ATP1A2: variants seen among roughly 807,000 people sequenced by gnomAD.
ATP1A2 encodes ATPase Na+/K+ transporting subunit alpha 2, also known as sodium/potassium-transporting ATPase subunit alpha-2.
A neutral mutation model predicts 113.1 loss-of-function variants in ATP1A2; 56 were observed. That is an observed-to-expected ratio of 0.49 (90% CI 0.40 to 0.62). The LOEUF is 0.62. Among genes scored for constraint, ATP1A2 ranks in the 20% least tolerant of loss-of-function variants. The probability of loss-of-function intolerance (pLI) is 0.00; values close to 1 mark genes in which losing one functional copy is unlikely to be tolerated. For synonymous variants in ATP1A2, 490 were observed against 526.8 expected, an observed-to-expected ratio of 0.93 and a Z score of 0.96; for missense variants, 712 against 1,357.8, an observed-to-expected ratio of 0.52 and a Z score of 7.47.
chr1:160,129,307 G>A lies in ATP1A2; in HGVS notation c.1368G>A (p.Lys456=), dbSNP rs369226331. 17 of 1,614,048 alleles carry A rather than the reference G, an allele frequency of 1.1e-5. No individual in the cohort carries two copies. The African/African-American group carries it at 2.0e-4, about 19-fold the overall frequency. Reference sequence around the variant, plus strand: ...ATGCCTCTGAGTCAGCTCTGCTCAAGTGCATTGAGCTCTCCTGTGGCTCAG... The same window carrying A: ...ATGCCTCTGAGTCAGCTCTGCTCAAATGCATTGAGCTCTCCTGTGGCTCAG... ...AGDASESALL[K]CIELSCGSVR... Residue 456 remains lysine, a synonymous_variant, in exon 11 of 23, where the codon AAG becomes AAA. Transcript: ENST00000361216.
intron 1 of ATP1A2, among the ~76,000 whole-genome samples, chr1:160,119,113 G>C (rs961881080): frequency 6.6e-6 from 1 of 151,810 alleles, no homozygotes; most frequent in African/African-American, 2.4e-5. Context: ...TTGATAGTGG[G>C]TGAGGCTGTG....
At position 160,135,375 on chromosome 1, in the gene ATP1A2, G is replaced by C. The variant is rs1385444169; in HGVS notation, c.2116-59G>C. 12 of 1,614,098 alleles carry C rather than the reference G, an allele frequency of 7.4e-6. No individual in the cohort carries two copies. The highest frequency in any genetic ancestry group is 6.7e-5 in the African/African-American group (5 of 74,930). On this transcript the variant is annotated intron_variant, in intron 15 of 22. Coordinates refer to ENST00000361216, the MANE Select transcript of ATP1A2 (RefSeq NM_000702.4). This position sits in a 1 kb window ranked among gnomAD's most constrained non-coding sequence, Gnocchi z 6.3. ...GGGCCAAGACAAGCATGGAGTGAGA[G>C]GCGAGGAGCCAGGCTTGGGAAGGGG...
At chr1:160,125,793 C>T (rs1208501998) in intron 7 of ATP1A2, among the ~76,000 whole-genome samples, 1 of 152,232 alleles carries the variant, frequency 6.6e-6, no homozygotes, top group African/African-American at 2.4e-5. Context: ...CATGCACAGA[C>T]TACCCAGTTT....
chr1:160,120,815 C>A (rs985042654), intron 1 of ATP1A2, 91 bp from the exon 2 acceptor site: 1 of 1,334,880 alleles, frequency 7.5e-7, no homozygotes, highest in South Asian at 1.3e-5. Flanking sequence ...GAACACACAC[C>A]CCCACTGCCT....
chr1:160,137,228 T>C, intron 20 of ATP1A2, 197 bp downstream of exon 20: 2 of 829,180 alleles, frequency 2.4e-6, no homozygotes, highest in South Asian at 1.7e-5. Flanking sequence ...TTTTGCATTT[T>C]GTTATTGTCT....
At chr1:160,129,991 T>A (rs932610780) in intron 11 of ATP1A2, 111 bp from the exon 12 acceptor site, 8 of 1,369,056 alleles carry the variant, frequency 5.8e-6, no homozygotes, top group Non-Finnish European at 8.3e-6. Flanking sequence ...GTTGACAATC[T>A]TTGATGGGTT....
chr1:160,123,793 G>T, intron 4 of ATP1A2, 150 bp from the exon 5 acceptor site: 1 of 774,668 alleles, frequency 1.3e-6, no homozygotes. Flanking sequence ...AGGTTAGTGA[G>T]AAGGGCTTTC....
Position 160,139,982 on chromosome 1 carries a change from G to A in ATP1A2, c.3032G>A (p.Gly1011Asp). Residue 1011 changes from glycine (G) to aspartate (D), a missense_variant and splice_region_variant, in exon 22 of 23, where the codon GGT becomes GAT. Physicochemically the swap from Gly to Asp is moderately conservative, Grantham distance 94. Coordinates refer to ENST00000361216, the MANE Select transcript of ATP1A2 (RefSeq NM_000702.4). ...AAGCTCATCCTGCGGCGGTATCCTG[G>A]TGGTAAGCCCCTCCACATTCCCCCC... The part of the protein sequence containing the change: ...VRKLILRRYP[G>D]GWVEKETYY The A allele has an allele frequency of 6.2e-7, 1 of 1,613,552 alleles. No individual in the cohort carries two copies. The highest frequency in any genetic ancestry group is 1.1e-5 in the South Asian group (1 of 91,066).
chr1:160,119,029 A>G (rs12723123), intron 1 of ATP1A2, among the ~76,000 whole-genome samples: 4 of 151,794 alleles, frequency 2.6e-5, no homozygotes, highest in Admixed American at 2.6e-4. Flanking sequence ...AACTTAAACT[A>G]TGGGCTTTGG....
chr1:160,131,584 G>T (rs1013744432), intron 13 of ATP1A2, among the ~76,000 whole-genome samples: 1 of 152,168 alleles, frequency 6.6e-6, no homozygotes, highest in African/African-American at 2.4e-5. Flanking sequence ...AGCACTTTGG[G>T]GGGGTCCAAG....
rs775974337 is a variant in ATP1A2, at chr1:160,139,919, C to T, written c.2969C>T (p.Pro990Leu). 3 of 1,614,028 alleles carry T rather than the reference C, an allele frequency of 1.9e-6. No homozygotes were observed. The highest frequency in any genetic ancestry group is 2.5e-6 in the Non-Finnish European group (3 of 1,180,026). ...GTCACCTGGTGGTTCTGCGCCTTCC[C>T]CTACAGCCTCCTCATCTTCATCTAT... ...LKVTWWFCAFPYSLLIFIYDE... is the reference protein window; with the variant it reads ...LKVTWWFCAFLYSLLIFIYDE... Residue 990 changes from proline to leucine, a missense_variant, in exon 22 of 23, where the codon CCC becomes CTC. Physicochemically the swap from Pro to Leu is moderately conservative, Grantham distance 98 (BLOSUM62 -3). Transcript: ENST00000361216.
At chr1:160,128,555 A>T in intron 8 of ATP1A2, 97 bp from the exon 9 acceptor site, 1 of 1,585,498 alleles carries the variant, frequency 6.3e-7, no homozygotes, top group Non-Finnish European at 8.6e-7. Flanking sequence ...AGTGGAGTAG[A>T]ATCAGGGGAG....
chr1:160,116,255 C>T (rs1444883080), intron 1 of ATP1A2, among the ~76,000 whole-genome samples: 1 of 152,150 alleles, frequency 6.6e-6, no homozygotes, highest in African/African-American at 2.4e-5. Context: ...CCTGTCTTTG[C>T]CACCTCCTGA....
In ATP1A2 at chr1:160,142,870, C is replaced by T. The variant is rs56003400; in HGVS notation, c.*1548C>T. Reference sequence around the variant, plus strand: ...CAGGGCTGTTCCCTCCAGGCAAATGCCCTTCAAACCGACGATCATTGTGCC... The same window carrying T: ...CAGGGCTGTTCCCTCCAGGCAAATGTCCTTCAAACCGACGATCATTGTGCC... On this transcript the variant is annotated 3_prime_UTR_variant, in exon 23 of 23. Coordinates refer to ENST00000361216, the MANE Select transcript of ATP1A2 (RefSeq NM_000702.4). The T allele has an allele frequency of 0.1, 15,922 of 152,106 alleles. 1,067 individuals are homozygous for T. The highest frequency in any genetic ancestry group is 0.14 in the Non-Finnish European group (9,485 of 67,946). The allele number at this position is 152,106 out of a possible 1,614,324, so 9.4% of individuals were successfully genotyped here.
chr1:160,130,008 A>G, intron 11 of ATP1A2, 94 bp from the exon 12 acceptor site: 1 of 1,490,506 alleles, frequency 6.7e-7, no homozygotes. Flanking sequence ...GGTTGGGGCT[A>G]CTTTTCTAAG....
chr1:160,125,338 G>A, intron 7 of ATP1A2, 85 bp downstream of exon 7: 3 of 1,251,644 alleles, frequency 2.4e-6, no homozygotes, highest in South Asian at 1.2e-5. Context: ...GTACTTACCT[G>A]GCAAAAGCTC....
intron 1 of ATP1A2, among the ~76,000 whole-genome samples, chr1:160,118,174 A>G (rs1259350802): frequency 8.5e-5 from 13 of 152,228 alleles, no homozygotes; most frequent in Admixed American, 6.5e-5. Context: ...CTCAGCCACA[A>G]TCCAGCATGC....
chr1:160,139,786 T>C (rs1342544894), intron 21 of ATP1A2, 45 bp downstream of exon 21: 2 of 1,608,462 alleles, frequency 1.2e-6, no homozygotes, highest in Admixed American at 1.7e-5. Context: ...ACGGGGGGCC[T>C]TCAGCCCCCT....
At chr1:160,133,154 A>G (rs2101992838) in intron 13 of ATP1A2, among the ~76,000 whole-genome samples, 1 of 152,252 alleles carries the variant, frequency 6.6e-6, no homozygotes, top group Admixed American at 6.5e-5. Context: ...AAGAGCATGC[A>G]GAGGAGTGGA....
Sources: allele counts gnomAD v4.1 joint callset (sites outside exome capture counted in the v4.1 genomes callset), GRCh38; gene constraint gnomAD v4.1.1; non-coding constraint Gnocchi (gnomAD v3.1); transcripts MANE v1.5; gene names NCBI Gene and HGNC (gene_info 2026-07-23, HGNC 2026-07-21).